Variants in TMEM74 observed in about 807,000 individuals in gnomAD.
TMEM74 encodes transmembrane protein 74.
In TMEM74, 13 loss-of-function variants were observed where a neutral mutation model predicts 18.1. The ratio of observed to expected loss-of-function variants is 0.72; its 90% CI spans 0.47 to 1.14. TMEM74 has a LOEUF of 1.14. Among genes scored for constraint, TMEM74 ranks in the 50% most tolerant of loss-of-function variants. TMEM74 has a pLI of 0.00. For synonymous variants in TMEM74, 159 were observed against 146.6 expected (o/e 1.08, Z -0.61); for missense variants, 372 against 375.9 (o/e 0.99, Z 0.09).
At chr8:108,633,390 C>T (rs1418945249) in intron 2 of TMEM74, among the ~76,000 whole-genome samples, 1 of 151,984 alleles carries the variant, frequency 6.6e-6, no homozygotes, top group African/African-American at 2.4e-5. Context: ...AGCATCACTC[C>T]TTTCTTTTTC....
chr8:108,676,196 G>A lies in TMEM74; in HGVS notation n.120-20759C>T, dbSNP rs368605154. 7.2e-5 allele frequency among the ~76,000 whole-genome samples: 11 copies of A among 152,076 alleles called. No individual in the cohort carries two copies. The East Asian group carries it at 1.5e-3, about 21-fold the overall frequency. The stretch of plus-strand genomic sequence containing the variant: ...GTAAACTCAGAACATATGCAGGACC[G>A]CAAAATCCTTTGTAGGGTCACTTCT... On this transcript the variant is annotated intron_variant and non_coding_transcript_variant, in intron 1 of 3. Coordinates refer to the TMEM74 transcript ENST00000518838.
intron 1 of TMEM74, among the ~76,000 whole-genome samples, chr8:108,772,943 AT>A (rs1455371494): frequency 6.6e-6 from 1 of 152,186 alleles, no homozygotes; most frequent in Non-Finnish European, 1.5e-5. Flanking sequence ...GGCCTGGCAC[AT>A]TATAAGCACT....
At chr8:108,643,491 A>G (rs1812686112) in intron 2 of TMEM74, among the ~76,000 whole-genome samples, 1 of 152,160 alleles carries the variant, frequency 6.6e-6, no homozygotes, top group Non-Finnish European at 1.5e-5. Context: ...GCTGATCTTT[A>G]GCAATTTTTT....
At chr8:108,607,642 T>C (rs1385528743) in exon 4 of TMEM74, 2 of 152,214 alleles carry the variant, frequency 1.3e-5, no homozygotes, top group Admixed American at 1.3e-4. Flanking sequence ...ATTCTGTCCA[T>C]AAATGGCCTT....
intron 1 of TMEM74, among the ~76,000 whole-genome samples, chr8:108,675,679 T>C (rs1813049427): frequency 6.6e-6 from 1 of 152,180 alleles, no homozygotes; most frequent in Non-Finnish European, 1.5e-5. Context: ...GGGAGCTAAA[T>C]GGCAGGAAAA....
At position 108,731,925 on chromosome 8, in the gene TMEM74, C is replaced by T. The variant is rs375018517; in HGVS notation, n.119+55551G>A. Among the ~76,000 whole-genome samples the T allele has an allele frequency of 2.3e-4, 35 of 151,982 alleles. 1 individual carries two copies. The South Asian group carries it at 4.8e-3, about 21-fold the overall frequency. On this transcript the variant is annotated intron_variant and non_coding_transcript_variant, in intron 1 of 3. Coordinates refer to the TMEM74 transcript ENST00000518838. ...GAAGGGAAGTATGGAAAAAAAAAAG[C>T]CCACCATTTTTTCTCCTAAGTCAAC... is the stretch of plus-strand genomic sequence containing the variant.
At position 108,782,944 on chromosome 8, in the gene TMEM74, G is replaced by GAGC. The variant is rs775664816; in HGVS notation, c.*1234_*1236dup. On this transcript the variant is annotated 3_prime_UTR_variant, in exon 2 of 2. Transcript: ENST00000297459. ...ACACCCAGTGTGTGTCTTGCAAAGT[G>GAGC]AGCACCTTGCTCATCATGCTGCTCT... 4.6e-5 allele frequency among the ~76,000 whole-genome samples: 7 copies of GAGC among 152,202 alleles called. No individual in the cohort carries two copies. Among genetic ancestry groups the GAGC allele is most frequent in the Non-Finnish European group, 1.0e-4 (7 of 68,046 alleles).
intron 1 of TMEM74, among the ~76,000 whole-genome samples, chr8:108,722,481 A>C (rs1356288030): frequency 6.6e-6 from 1 of 152,216 alleles, no homozygotes; most frequent in Admixed American, 6.5e-5. Context: ...TTTTTAATGG[A>C]AAGAGCGTAG....
chr8:108,628,510 A>G (rs994516515), intron 2 of TMEM74, among the ~76,000 whole-genome samples: 1 of 151,902 alleles, frequency 6.6e-6, no homozygotes, highest in African/African-American at 2.4e-5. Flanking sequence ...TACATGCCAC[A>G]TTTTCTTTAT....
chr8:108,784,948 T>C lies in TMEM74; in HGVS notation c.151A>G (p.Arg51Gly), dbSNP rs1186978087. The change falls in exon 2 of 2, where the codon AGA becomes GGA. Residue 51 changes from arginine (R) to glycine (G), a missense_variant. Transcript: ENST00000297459. ...TTAGACCCTTCCATCTCGGTTGCTCTTGGGGTGGATGCACACTGTTTCTGA... is the reference window on the plus strand; with the variant it reads ...TTAGACCCTTCCATCTCGGTTGCTCCTGGGGTGGATGCACACTGTTTCTGA... ...CCQKQCASTP[R>G]ATEMEGSKLS... 6.2e-7 allele frequency: 1 copy of C among 1,614,156 alleles called. No homozygotes were observed. The highest frequency in any genetic ancestry group is 1.1e-5 in the South Asian group (1 of 91,082).
chr8:108,634,270 G>T (rs1812584338), intron 2 of TMEM74, among the ~76,000 whole-genome samples: 1 of 151,938 alleles, frequency 6.6e-6, no homozygotes, highest in South Asian at 2.1e-4. Context: ...GGCATTTATA[G>T]AATACCAGCT....
intron 1 of TMEM74, among the ~76,000 whole-genome samples, chr8:108,729,443 T>G (rs76124179): frequency 0.017 from 2,664 of 152,336 alleles, 79 homozygotes; most frequent in African/African-American, 0.062. Flanking sequence ...CAGCATAATC[T>G]TTTTGGAATG....
At chr8:108,765,407 C>CT (rs61334796) in intron 1 of TMEM74, among the ~76,000 whole-genome samples, 3,909 of 120,692 alleles carry the variant, frequency 0.032, 229 homozygotes, top group African/African-American at 0.1. Flanking sequence ...TTTGGAACTA[C>CT]TTTTTTTTTT....
chr8:108,716,169 C>A (rs1353369171), intron 1 of TMEM74, among the ~76,000 whole-genome samples: 3 of 152,036 alleles, frequency 2.0e-5, no homozygotes, highest in Non-Finnish European at 4.4e-5. Flanking sequence ...GAGCAAACTT[C>A]CAAATACATT....
intron 1 of TMEM74, among the ~76,000 whole-genome samples, chr8:108,735,720 T>C (rs1181201948): frequency 6.6e-6 from 1 of 152,186 alleles, no homozygotes; most frequent in Non-Finnish European, 1.5e-5. Context: ...CTCTTGGAGA[T>C]ATACTTAGAA....
At chr8:108,615,135 T>G (rs1812370768) in intron 2 of TMEM74, among the ~76,000 whole-genome samples, 1 of 152,134 alleles carries the variant, frequency 6.6e-6, no homozygotes, top group Non-Finnish European at 1.5e-5. Flanking sequence ...GCTTAATAAA[T>G]CATCAGTTCC....
intron 2 of TMEM74, among the ~76,000 whole-genome samples, chr8:108,624,154 G>C (rs1812470709): frequency 6.6e-6 from 1 of 151,986 alleles, no homozygotes. Context: ...TCAGAATTTT[G>C]ACCTCCTTTT....
intron 2 of TMEM74, among the ~76,000 whole-genome samples, chr8:108,648,236 C>A (rs1812740311): frequency 6.6e-6 from 1 of 152,202 alleles, no homozygotes; most frequent in African/African-American, 2.4e-5. Flanking sequence ...AGGACATAAG[C>A]AAATGTGGAA....
intron 1 of TMEM74, among the ~76,000 whole-genome samples, chr8:108,670,599 C>G (rs185944953): frequency 2.6e-5 from 4 of 152,268 alleles, no homozygotes; most frequent in Non-Finnish European, 4.4e-5. Context: ...CAACTCCCCA[C>G]AAGATCTTTA....
Sources: allele counts gnomAD v4.1 joint callset (sites outside exome capture counted in the v4.1 genomes callset), GRCh38; gene constraint gnomAD v4.1.1; transcripts MANE v1.5; gene names NCBI Gene and HGNC (gene_info 2026-07-23, HGNC 2026-07-21).